RBPMS: variants seen among roughly 807,000 people sequenced by gnomAD.
RBPMS encodes RNA binding protein, mRNA processing factor.
RBPMS carries 7 observed loss-of-function variants against 26.8 expected under a neutral mutation model. That is an observed-to-expected ratio of 0.26 (90% confidence interval 0.15 to 0.49). The LOEUF (loss-of-function observed/expected upper bound fraction) is 0.49. RBPMS is among the 20% of genes least tolerant of loss of function. The probability of loss-of-function intolerance (pLI) is 0.98; values close to 1 mark genes in which losing one functional copy is unlikely to be tolerated. For missense variants in RBPMS, 186 were observed against 250.0 expected, an observed-to-expected ratio of 0.74 and a Z score of 1.73; for synonymous variants, 96 against 93.3, an observed-to-expected ratio of 1.03 and a Z score of -0.17.
intron 5 of RBPMS, among the ~76,000 whole-genome samples, chr8:30,531,650 T>C (rs1824235994): frequency 6.6e-6 from 1 of 151,862 alleles, no homozygotes; most frequent in Admixed American, 6.6e-5. Context: ...GAGGGGGGAG[T>C]TATTTACATT....
At chr8:30,419,734 A>T (rs1035545221) in intron 1 of RBPMS, among the ~76,000 whole-genome samples, 2 of 152,106 alleles carry the variant, frequency 1.3e-5, no homozygotes, top group African/African-American at 4.8e-5. Context: ...CCCATCCCCA[A>T]CATATCTCAT....
At chr8:30,470,200 A>T (rs976221815) in intron 1 of RBPMS, among the ~76,000 whole-genome samples, 1 of 152,174 alleles carries the variant, frequency 6.6e-6, no homozygotes. Flanking sequence ...GCTGGCCAAC[A>T]TGGTGAAACC....
intron 6 of RBPMS, chr8:30,556,239 T>TCCTCAGCTGAGCACAGCCTCCCC: frequency 2.0e-6 from 2 of 985,384 alleles, no homozygotes; most frequent in South Asian, 9.4e-5. Context: ...GCGTCCTCAC[T>TCCTCAGCTGAGCACAGCCTCCCC]CCTCAGCTGA....
chr8:30,436,572 CA>C (rs1336955725), intron 1 of RBPMS, among the ~76,000 whole-genome samples: 2 of 152,156 alleles, frequency 1.3e-5, no homozygotes, highest in Non-Finnish European at 2.9e-5. Context: ...GTGCTCTGAG[CA>C]TAGCTGTTCT....
At chr8:30,556,551 C>T (rs1563448641) in intron 6 of RBPMS, 13 of 986,770 alleles carry the variant, frequency 1.3e-5, no homozygotes, top group Non-Finnish European at 1.6e-5. Context: ...GTCTTGGCCT[C>T]GTCGGGGCTC....
chr8:30,480,703 A>G (rs1218607616), intron 4 of RBPMS, among the ~76,000 whole-genome samples: 1 of 152,252 alleles, frequency 6.6e-6, no homozygotes, highest in Non-Finnish European at 1.5e-5. Flanking sequence ...CACGGTGTAT[A>G]ATTGAATGTT....
intron 1 of RBPMS, among the ~76,000 whole-genome samples, chr8:30,428,814 C>G (rs1356802711): frequency 1.3e-5 from 2 of 151,746 alleles, no homozygotes; most frequent in African/African-American, 4.8e-5. Flanking sequence ...CTCATGTACA[C>G]TATTTTAATG....
intron 4 of RBPMS, among the ~76,000 whole-genome samples, chr8:30,487,644 G>A (rs1007648816): frequency 6.6e-6 from 1 of 151,672 alleles, no homozygotes; most frequent in Admixed American, 6.6e-5. Context: ...AATAAGTGAG[G>A]GAGAAGAAAG....
intron 4 of RBPMS, among the ~76,000 whole-genome samples, chr8:30,500,621 A>G (rs1371219430): frequency 6.6e-6 from 1 of 152,172 alleles, no homozygotes; most frequent in Non-Finnish European, 1.5e-5. Flanking sequence ...AGGAATTTGG[A>G]GACTTTTTCT....
At chr8:30,387,705 C>G (rs1265688770) in intron 1 of RBPMS, among the ~76,000 whole-genome samples, 1 of 152,178 alleles carries the variant, frequency 6.6e-6, no homozygotes, top group Non-Finnish European at 1.5e-5. Context: ...TAGTTTATTT[C>G]ACAGATCATG....
chr8:30,559,064 T>C (rs1190338192), intron 7 of RBPMS, 108 bp downstream of exon 7: 15 of 860,968 alleles, frequency 1.7e-5, no homozygotes, highest in Non-Finnish European at 1.7e-5. Flanking sequence ...CCACACCTTA[T>C]GCACCTCCTT....
intron 6 of RBPMS, chr8:30,545,454 A>G: frequency 9.9e-7 from 1 of 1,007,274 alleles, no homozygotes; most frequent in Non-Finnish European, 1.2e-6. Context: ...GATGACCAGT[A>G]ACAAATAGAA....
intron 7 of RBPMS, among the ~76,000 whole-genome samples, chr8:30,559,277 G>A (rs1296553418): frequency 6.6e-6 from 1 of 152,210 alleles, no homozygotes; most frequent in Non-Finnish European, 1.5e-5. Flanking sequence ...TAGTTCACCT[G>A]CTGCCAGCAT....
intron 6 of RBPMS, among the ~76,000 whole-genome samples, chr8:30,546,442 C>T (rs1825873089): frequency 6.6e-6 from 1 of 152,078 alleles, no homozygotes. Flanking sequence ...TCTGGAGATA[C>T]GGTATGGTAA....
At chr8:30,558,332 A>G (rs1011040426) in intron 6 of RBPMS, 1 of 159,280 alleles carries the variant, frequency 6.3e-6, no homozygotes, top group Non-Finnish European at 1.4e-5. Flanking sequence ...CTGTAGGCCC[A>G]TCTCCTCAGT....
intron 8 of RBPMS, among the ~76,000 whole-genome samples, chr8:30,569,567 T>C (rs1185910009): frequency 1.3e-5 from 2 of 152,074 alleles, no homozygotes; most frequent in African/African-American, 4.8e-5. Context: ...TTGAAGGATG[T>C]GTTAGGGATT....
chr8:30,474,547 G>C (rs539989416), intron 1 of RBPMS, among the ~76,000 whole-genome samples: 1 of 152,210 alleles, frequency 6.6e-6, no homozygotes, highest in African/African-American at 2.4e-5. Flanking sequence ...TGGCTTAGGG[G>C]ATGTACCTTA....
intron 4 of RBPMS, among the ~76,000 whole-genome samples, chr8:30,495,465 A>G (rs889742065): frequency 6.6e-6 from 1 of 152,158 alleles, no homozygotes; most frequent in Non-Finnish European, 1.5e-5. Context: ...GCCTTGGGAA[A>G]GGGGTCTCTT....
chr8:30,389,036 C>T (rs1276154015), intron 1 of RBPMS, among the ~76,000 whole-genome samples: 1 of 152,138 alleles, frequency 6.6e-6, no homozygotes, highest in Admixed American at 6.5e-5. Context: ...AAAATTGCTG[C>T]AGAGAGGGTA....
Sources: gnomAD v4.1 joint callset for allele counts (sites outside exome capture counted in the v4.1 genomes callset) on GRCh38, gnomAD v4.1.1 for gene constraint, MANE v1.5 for transcripts, NCBI Gene and HGNC (gene_info 2026-07-23, HGNC 2026-07-21) for gene names.